The following SEMA5A variants were observed in gnomAD, a reference collection of about 807,000 sequenced individuals.
The protein encoded by SEMA5A is semaphorin-5A.
A neutral mutation model predicts 135.5 loss-of-function variants in SEMA5A; 55 were observed. The ratio of observed to expected loss-of-function variants is 0.41; its 90% CI spans 0.33 to 0.51. SEMA5A has a LOEUF of 0.51. SEMA5A is among the 20% of genes least tolerant of loss of function. The probability of loss-of-function intolerance (pLI) is 0.37; values close to 1 mark genes in which losing one functional copy is unlikely to be tolerated. For missense variants in SEMA5A, 1,290 were observed against 1,419.9 expected (o/e 0.91, Z 1.47); for synonymous variants, 580 against 546.5 (o/e 1.06, Z -0.85).
chr5:9,191,699 A>T (rs40699), intron 10 of SEMA5A, among the ~76,000 whole-genome samples: 2 of 152,160 alleles, frequency 1.3e-5, no homozygotes, highest in Non-Finnish European at 2.9e-5. Flanking sequence ...GATTGTAGAA[A>T]AAGAGAATCT....
At chr5:9,386,890 C>T in intron 2 of SEMA5A, among the ~76,000 whole-genome samples, 1 of 152,350 alleles carries the variant, frequency 6.6e-6, no homozygotes, top group South Asian at 2.1e-4. Flanking sequence ...CACCCATCCC[C>T]TGCCACTGAG....
intron 15 of SEMA5A, among the ~76,000 whole-genome samples, 199 bp from the exon 16 acceptor site, chr5:9,108,486 T>G (rs1740050147): frequency 1.3e-5 from 2 of 152,140 alleles, no homozygotes; most frequent in Admixed American, 1.3e-4. Flanking sequence ...GACAATGGGA[T>G]GCATGGCAGA....
intron 12 of SEMA5A, among the ~76,000 whole-genome samples, chr5:9,142,277 A>T (rs1312065378): frequency 1.3e-5 from 2 of 152,214 alleles, no homozygotes; most frequent in Non-Finnish European, 2.9e-5. Context: ...GACCCATTTG[A>T]TAGGCGCCAG....
intron 11 of SEMA5A, among the ~76,000 whole-genome samples, chr5:9,173,641 C>T (rs893517292): frequency 6.6e-6 from 1 of 152,158 alleles, no homozygotes; most frequent in South Asian, 2.1e-4. Context: ...AAAGGCTCCA[C>T]CTCCAGATAC....
intron 2 of SEMA5A, among the ~76,000 whole-genome samples, chr5:9,428,557 T>C (rs148954106): frequency 4.8e-4 from 73 of 152,300 alleles, no homozygotes; most frequent in African/African-American, 1.6e-3. Flanking sequence ...ATCTCATAGA[T>C]AACCATTAAT....
At chr5:9,209,085 G>A (rs574771382) in intron 8 of SEMA5A, among the ~76,000 whole-genome samples, 1 of 152,214 alleles carries the variant, frequency 6.6e-6, no homozygotes, top group East Asian at 1.9e-4. Flanking sequence ...TTTACCAAGG[G>A]GAAATGGGCT....
intron 1 of SEMA5A, among the ~76,000 whole-genome samples, chr5:9,455,154 TC>T (rs1237488513): frequency 4.6e-5 from 7 of 152,200 alleles, no homozygotes; most frequent in African/African-American, 1.7e-4. Context: ...CCTGTCCCTG[TC>T]CCTGAAGCTG....
At chr5:9,448,428 C>A (rs1182709745) in intron 1 of SEMA5A, among the ~76,000 whole-genome samples, 2 of 152,164 alleles carry the variant, frequency 1.3e-5, no homozygotes, top group East Asian at 1.9e-4. Context: ...ACATGGTAAA[C>A]CCCTAGCAGG....
At chr5:9,188,464 T>C (rs1282876241) in intron 11 of SEMA5A, among the ~76,000 whole-genome samples, 1 of 152,130 alleles carries the variant, frequency 6.6e-6, no homozygotes, top group Non-Finnish European at 1.5e-5. Flanking sequence ...TGGACTTACG[T>C]GGGGAGTACG....
intron 3 of SEMA5A, among the ~76,000 whole-genome samples, chr5:9,368,216 T>G (rs931991772): frequency 6.6e-6 from 1 of 152,218 alleles, no homozygotes; most frequent in Non-Finnish European, 1.5e-5. Flanking sequence ...AACACATTAT[T>G]CAGAATTATC....
intron 8 of SEMA5A, among the ~76,000 whole-genome samples, chr5:9,220,221 G>A (rs1579642119): frequency 6.6e-6 from 1 of 152,152 alleles, no homozygotes; most frequent in Non-Finnish European, 1.5e-5. Context: ...TGGCAGGGGA[G>A]TGGGGGATAA....
chr5:9,170,446 G>A (rs56823471), intron 11 of SEMA5A, among the ~76,000 whole-genome samples: 1,589 of 152,084 alleles, frequency 0.01, 22 homozygotes, highest in African/African-American at 0.037. Flanking sequence ...TGAGAGACAG[G>A]ACATGCATAT....
At chr5:9,530,739 C>G (rs1470302436) in intron 1 of SEMA5A, among the ~76,000 whole-genome samples, 1 of 152,096 alleles carries the variant, frequency 6.6e-6, no homozygotes, top group Non-Finnish European at 1.5e-5. Context: ...GCAGTAGAAG[C>G]GAGGAGAGAT....
At chr5:9,255,499 T>A (rs1434052296) in intron 5 of SEMA5A, among the ~76,000 whole-genome samples, 2 of 152,190 alleles carry the variant, frequency 1.3e-5, no homozygotes, top group Admixed American at 1.3e-4. Context: ...CAGCTCTTTT[T>A]CCTAAAGAAC....
intron 6 of SEMA5A, among the ~76,000 whole-genome samples, chr5:9,228,747 C>T (rs753530449): frequency 3.9e-5 from 6 of 152,248 alleles, no homozygotes; most frequent in South Asian, 2.1e-4. Flanking sequence ...CACGCCATGG[C>T]GAATGAATGA....
intron 2 of SEMA5A, among the ~76,000 whole-genome samples, chr5:9,435,435 A>G (rs1206417351): frequency 6.6e-6 from 1 of 152,224 alleles, no homozygotes; most frequent in African/African-American, 2.4e-5. Flanking sequence ...TTAGACTAAC[A>G]CATTTGGGGC....
At chr5:9,313,793 T>A (rs1752270613) in intron 5 of SEMA5A, among the ~76,000 whole-genome samples, 1 of 152,072 alleles carries the variant, frequency 6.6e-6, no homozygotes, top group Non-Finnish European at 1.5e-5. Flanking sequence ...AGAAGATAAA[T>A]AGGGTGAAGG....
intron 11 of SEMA5A, among the ~76,000 whole-genome samples, chr5:9,171,915 G>A (rs961223850): frequency 1.3e-5 from 2 of 152,180 alleles, no homozygotes; most frequent in Non-Finnish European, 2.9e-5. Context: ...CTAGGACACA[G>A]GACAAAGCTC....
At chr5:9,197,821 A>T (rs1490602851) in intron 9 of SEMA5A, among the ~76,000 whole-genome samples, 1 of 147,260 alleles carries the variant, frequency 6.8e-6, no homozygotes, top group Non-Finnish European at 1.5e-5. Context: ...GTCATCCTTT[A>T]AAAAAATCAA....
Sources: gnomAD v4.1 joint callset for allele counts (sites outside exome capture counted in the v4.1 genomes callset) on GRCh38, gnomAD v4.1.1 for gene constraint, MANE v1.5 for transcripts, NCBI Gene and HGNC (gene_info 2026-07-23, HGNC 2026-07-21) for gene names.